Variants in SEMA5A observed in about 807,000 individuals in gnomAD.
SEMA5A encodes semaphorin-5A.
SEMA5A carries 55 observed loss-of-function variants against 135.5 expected under a neutral mutation model. That is an observed-to-expected ratio of 0.41 (90% CI 0.33 to 0.51). The LOEUF (loss-of-function observed/expected upper bound fraction) is 0.51. Among genes scored for constraint, SEMA5A ranks in the 20% least tolerant of loss-of-function variants. The pLI is 0.37. For missense variants in SEMA5A, 1,290 were observed against 1,419.9 expected (o/e 0.91, Z 1.47); for synonymous variants, 580 against 546.5 (o/e 1.06, Z -0.85).
chr5:9,316,117 G>A (rs572770182), intron 5 of SEMA5A, among the ~76,000 whole-genome samples: 1 of 152,228 alleles, frequency 6.6e-6, no homozygotes, highest in Admixed American at 6.5e-5. Flanking sequence ...TATTCAATGT[G>A]TTATAATCTA....
chr5:9,225,431 T>G (rs1038010444), intron 7 of SEMA5A, among the ~76,000 whole-genome samples: 2 of 142,256 alleles, frequency 1.4e-5, no homozygotes, highest in African/African-American at 2.6e-5. Context: ...TAGCCACGCA[T>G]GGTGGCATGC....
intron 1 of SEMA5A, among the ~76,000 whole-genome samples, chr5:9,465,905 G>A (rs78989635): frequency 2.6e-5 from 4 of 152,168 alleles, no homozygotes; most frequent in Admixed American, 1.3e-4. Flanking sequence ...ACACAAAGAC[G>A]AGCATGCATG....
chr5:9,510,401 T>C (rs1351769033), intron 1 of SEMA5A, among the ~76,000 whole-genome samples: 1 of 152,254 alleles, frequency 6.6e-6, no homozygotes, highest in Non-Finnish European at 1.5e-5. Context: ...CTTCATGTAA[T>C]TCATAGATGC....
At chr5:9,122,596 C>A in intron 14 of SEMA5A, 60 bp downstream of exon 14, 2 of 1,418,688 alleles carry the variant, frequency 1.4e-6, no homozygotes, top group Non-Finnish European at 9.3e-7. Flanking sequence ...ATGTCCCAAA[C>A]TCCTCGAGAA....
At chr5:9,359,648 T>G (rs1754604448) in intron 3 of SEMA5A, among the ~76,000 whole-genome samples, 1 of 152,230 alleles carries the variant, frequency 6.6e-6, no homozygotes, top group Admixed American at 6.5e-5. Context: ...ATTTTGCTGG[T>G]TTTTAAGTCA....
chr5:9,254,461 C>A (rs1312379620), intron 5 of SEMA5A, among the ~76,000 whole-genome samples: 1 of 152,070 alleles, frequency 6.6e-6, no homozygotes, highest in African/African-American at 2.4e-5. Flanking sequence ...CCAGGATGTG[C>A]AAAGTCTGTG....
chr5:9,320,546 C>CA (rs1046654460), intron 4 of SEMA5A, among the ~76,000 whole-genome samples: 2 of 151,822 alleles, frequency 1.3e-5, no homozygotes, highest in Non-Finnish European at 2.9e-5. Context: ...CCTATCTCTA[C>CA]AAAAAAAGAA....
chr5:9,109,465 T>C (rs937777300), intron 15 of SEMA5A, among the ~76,000 whole-genome samples: 1 of 152,218 alleles, frequency 6.6e-6, no homozygotes, highest in Non-Finnish European at 1.5e-5. Context: ...GAGGTTAGTC[T>C]GAACAGCACC....
At chr5:9,531,984 AAG>A (rs1211515394) in intron 1 of SEMA5A, among the ~76,000 whole-genome samples, 1 of 152,216 alleles carries the variant, frequency 6.6e-6, no homozygotes, top group African/African-American at 2.4e-5. Context: ...CCTGTGGACA[AAG>A]AGATAAATTG....
Position 9,254,934 on chromosome 5 carries a change from A to C in SEMA5A, c.271-17044T>G, listed in dbSNP as rs1805981. ...AATTCAATAAGCTTGAATAAGGCTG[A>C]ATGCACTGTAAGCTGTAGACTAGAC... On this transcript the variant is annotated intron_variant, in intron 5 of 22. Transcript: ENST00000382496. Among the ~76,000 whole-genome samples, 533 of 152,328 alleles carry C rather than the reference A, an allele frequency of 3.5e-3. 12 individuals are homozygous for C. Among genetic ancestry groups the C allele is most frequent in the East Asian group, 0.032 (165 of 5,186 alleles).
At chr5:9,128,471 C>A (rs1394366516) in intron 13 of SEMA5A, among the ~76,000 whole-genome samples, 1 of 152,154 alleles carries the variant, frequency 6.6e-6, no homozygotes, top group East Asian at 1.9e-4. Context: ...CTTGGCAATC[C>A]TACTGCCATC....
intron 11 of SEMA5A, among the ~76,000 whole-genome samples, chr5:9,168,943 A>C (rs1743762036): frequency 6.6e-6 from 1 of 152,196 alleles, no homozygotes; most frequent in African/African-American, 2.4e-5. Flanking sequence ...GTTACATTTA[A>C]CACACATTTG....
chr5:9,467,129 T>TC (rs1244791954), intron 1 of SEMA5A, among the ~76,000 whole-genome samples: 17 of 152,038 alleles, frequency 1.1e-4, no homozygotes, highest in African/African-American at 3.4e-4. Context: ...CTTTTTTTTT[T>TC]TGAGACGGAG....
intron 3 of SEMA5A, among the ~76,000 whole-genome samples, chr5:9,377,672 C>A (rs1755422196): frequency 6.6e-6 from 1 of 152,126 alleles, no homozygotes; most frequent in Non-Finnish European, 1.5e-5. Context: ...TTAGGTTGGT[C>A]AGCAGAGACT....
intron 13 of SEMA5A, among the ~76,000 whole-genome samples, chr5:9,132,232 T>C (rs979321783): frequency 6.6e-6 from 1 of 152,160 alleles, no homozygotes; most frequent in African/African-American, 2.4e-5. Context: ...GAAATATTTA[T>C]TGGGGGTCCC....
intron 4 of SEMA5A, among the ~76,000 whole-genome samples, chr5:9,333,775 A>C (rs1241234991): frequency 6.6e-6 from 1 of 152,248 alleles, no homozygotes; most frequent in East Asian, 1.9e-4. Flanking sequence ...AAATAATGCA[A>C]GGAAATAACT....
intron 11 of SEMA5A, among the ~76,000 whole-genome samples, chr5:9,160,642 A>AAC (rs1553995029): frequency 3.3e-5 from 5 of 151,654 alleles, no homozygotes; most frequent in South Asian, 2.1e-4. Context: ...AACAATTCTT[A>AAC]ATATATATAT....
chr5:9,430,738 G>T (rs936354945), intron 2 of SEMA5A, among the ~76,000 whole-genome samples: 1 of 152,176 alleles, frequency 6.6e-6, no homozygotes, highest in Non-Finnish European at 1.5e-5. Flanking sequence ...ACTAGGCAGT[G>T]CTGAAGGAAT....
chr5:9,389,252 A>T (rs768758646), intron 2 of SEMA5A, among the ~76,000 whole-genome samples: 2 of 150,738 alleles, frequency 1.3e-5, no homozygotes, highest in Non-Finnish European at 3.0e-5. Flanking sequence ...ACCTCTTCTG[A>T]ATGTTCATTG....
Sources: allele counts gnomAD v4.1 joint callset (sites outside exome capture counted in the v4.1 genomes callset), GRCh38; gene constraint gnomAD v4.1.1; transcripts MANE v1.5; gene names NCBI Gene and HGNC (gene_info 2026-07-23, HGNC 2026-07-21).